Variants in LRRC4C observed in about 807,000 individuals in gnomAD.
LRRC4C encodes leucine-rich repeat-containing protein 4C.
Under a neutral mutation model 33.6 loss-of-function variants are expected in LRRC4C, and 5 were observed. The ratio of observed to expected loss-of-function variants is 0.15; its 90% CI spans 0.08 to 0.31. LRRC4C has a LOEUF of 0.31. LRRC4C is among the 10% of genes least tolerant of loss of function. The pLI is 1.00. For missense variants in LRRC4C, 560 were observed against 796.7 expected (o/e 0.70, Z 3.58); for synonymous variants, 329 against 302.0 (o/e 1.09, Z -0.93).
chr11:40,370,454 G>A (rs186974294), intron 3 of LRRC4C, among the ~76,000 whole-genome samples: 4 of 152,254 alleles, frequency 2.6e-5, no homozygotes, highest in African/African-American at 9.6e-5. Context: ...GATTCACAAG[G>A]GGGAGGAGTA....
intron 2 of LRRC4C, among the ~76,000 whole-genome samples, chr11:40,789,570 T>C (rs1166036502): frequency 6.6e-6 from 1 of 151,780 alleles, no homozygotes; most frequent in Non-Finnish European, 1.5e-5. Context: ...TGCTCTACTC[T>C]TCTATACTTC....
chr11:40,874,840 A>G lies in LRRC4C; in HGVS notation c.-407+58795T>C, dbSNP rs553184732. ...AGGGATTGGAATATGGACTGCTAGC[A>G]GTCTGGAGGGAAGACACCGCTGTTT... On this transcript the variant is annotated intron_variant, in intron 2 of 6. Transcript: ENST00000528697. 8.5e-5 allele frequency among the ~76,000 whole-genome samples: 13 copies of G among 152,318 alleles called. No homozygotes were observed. The South Asian group carries it at 2.7e-3, about 32-fold the overall frequency.
chr11:40,603,152 A>G (rs1960202997), intron 3 of LRRC4C, among the ~76,000 whole-genome samples: 2 of 152,212 alleles, frequency 1.3e-5, no homozygotes, highest in South Asian at 4.1e-4. Context: ...CTCACAATGC[A>G]GATACAGTCA....
intron 1 of LRRC4C, among the ~76,000 whole-genome samples, chr11:41,149,510 C>CAAAAAAA (rs57914595): frequency 1.8e-5 from 1 of 55,514 alleles, no homozygotes; most frequent in Non-Finnish European, 3.5e-5. Context: ...ACTCCGTCTC[C>CAAAAAAA]AAAAAAAAAA....
intron 1 of LRRC4C, among the ~76,000 whole-genome samples, chr11:41,056,146 T>G (rs1044649765): frequency 3.9e-5 from 6 of 152,166 alleles, no homozygotes; most frequent in African/African-American, 1.4e-4. Context: ...AATATCACTT[T>G]GCAGAAATGT....
intron 1 of LRRC4C, among the ~76,000 whole-genome samples, chr11:41,444,555 A>C (rs1955758383): frequency 6.6e-6 from 1 of 152,208 alleles, no homozygotes; most frequent in Non-Finnish European, 1.5e-5. Context: ...ATCATCCAGT[A>C]GAGTAATCAT....
chr11:40,503,416 C>G (rs928391210), intron 3 of LRRC4C, among the ~76,000 whole-genome samples: 1 of 152,160 alleles, frequency 6.6e-6, no homozygotes, highest in African/African-American at 2.4e-5. Context: ...GCTTCTCTGT[C>G]TTTCTAGGTA....
chr11:40,791,226 G>A (rs1950610317), intron 2 of LRRC4C, among the ~76,000 whole-genome samples: 1 of 152,054 alleles, frequency 6.6e-6, no homozygotes, highest in Non-Finnish European at 1.5e-5. Flanking sequence ...CAAAATCATG[G>A]GGCCTATGAA....
intron 3 of LRRC4C, among the ~76,000 whole-genome samples, chr11:40,542,618 C>A (rs184361941): frequency 8.0e-4 from 121 of 150,802 alleles, no homozygotes; most frequent in African/African-American, 3.0e-3. Flanking sequence ...GCAAGCCCTG[C>A]GTTCACAGGG....
chr11:41,053,326 G>A (rs751037183), intron 1 of LRRC4C, among the ~76,000 whole-genome samples: 1 of 152,202 alleles, frequency 6.6e-6, no homozygotes, highest in Non-Finnish European at 1.5e-5. Context: ...GGCCCATGTG[G>A]CAAGGAACTG....
chr11:40,255,092 C>T (rs900178118), intron 4 of LRRC4C, among the ~76,000 whole-genome samples: 4 of 152,130 alleles, frequency 2.6e-5, no homozygotes, highest in African/African-American at 9.7e-5. Flanking sequence ...TGAGTCACCG[C>T]ACCCGGCCCT....
chr11:40,339,561 A>G (rs371620928), intron 3 of LRRC4C, among the ~76,000 whole-genome samples: 9 of 152,340 alleles, frequency 5.9e-5, no homozygotes, highest in African/African-American at 2.2e-4. Context: ...TACTTTGCAT[A>G]AAGCTGGCAG....
chr11:41,116,485 G>A (rs1942132852), intron 1 of LRRC4C, among the ~76,000 whole-genome samples: 1 of 152,096 alleles, frequency 6.6e-6, no homozygotes. Context: ...AGCAATTGAA[G>A]GTAGTATTGT....
chr11:40,557,031 C>CA (rs577330281), intron 3 of LRRC4C, among the ~76,000 whole-genome samples: 15 of 151,360 alleles, frequency 9.9e-5, no homozygotes, highest in South Asian at 6.3e-4. Context: ...CAAGACCAAT[C>CA]AAAAAAAAGT....
intron 1 of LRRC4C, among the ~76,000 whole-genome samples, chr11:41,283,710 A>G (rs1467332117): frequency 6.6e-6 from 1 of 152,186 alleles, no homozygotes; most frequent in East Asian, 1.9e-4. Context: ...CAAAGTCTCA[A>G]CTATTTACCA....
chr11:40,847,519 CT>C (rs1457543740), intron 2 of LRRC4C, among the ~76,000 whole-genome samples: 1 of 152,074 alleles, frequency 6.6e-6, no homozygotes, highest in Admixed American at 6.5e-5. Context: ...GGTGGATAAG[CT>C]TTTTAATGTG....
At chr11:41,407,987 G>A (rs1954306171) in intron 1 of LRRC4C, among the ~76,000 whole-genome samples, 1 of 152,164 alleles carries the variant, frequency 6.6e-6, no homozygotes, top group Admixed American at 6.5e-5. Context: ...GATTGGGAAA[G>A]AGAAGCTAAT....
intron 2 of LRRC4C, among the ~76,000 whole-genome samples, chr11:40,913,348 T>C (rs549501704): frequency 6.6e-6 from 1 of 152,310 alleles, no homozygotes; most frequent in Admixed American, 6.5e-5. Context: ...ACAAACTGTC[T>C]CTTAGACCAC....
intron 3 of LRRC4C, among the ~76,000 whole-genome samples, chr11:40,426,797 C>T (rs917904850): frequency 3.3e-5 from 5 of 152,176 alleles, no homozygotes; most frequent in Non-Finnish European, 7.4e-5. Context: ...GAACAAGACA[C>T]ATATAAGGAA....
Sources: gnomAD v4.1 joint callset for allele counts (sites outside exome capture counted in the v4.1 genomes callset) on GRCh38, gnomAD v4.1.1 for gene constraint, MANE v1.5 for transcripts, NCBI Gene and HGNC (gene_info 2026-07-23, HGNC 2026-07-21) for gene names.